Variants in MGAT4C observed in about 807,000 individuals in gnomAD.
The protein encoded by MGAT4C is MGAT4 family member C.
Under a neutral mutation model 40.1 loss-of-function variants are expected in MGAT4C, and 19 were observed. That is an observed-to-expected ratio of 0.47 (90% CI 0.33 to 0.70). MGAT4C has a LOEUF of 0.70. MGAT4C is among the 30% of genes least tolerant of loss of function. MGAT4C has a pLI of 0.02. For missense variants in MGAT4C, 491 were observed against 563.2 expected, an observed-to-expected ratio of 0.87 and a Z score of 1.30; for synonymous variants, 181 against 187.1, an observed-to-expected ratio of 0.97 and a Z score of 0.27.
At chr12:86,577,424 A>G (rs79599724) in intron 2 of MGAT4C, among the ~76,000 whole-genome samples, 4,087 of 151,904 alleles carry the variant, frequency 0.027, 144 homozygotes, top group African/African-American at 0.085. Context: ...CCCTTTCAGT[A>G]TAATACTAGT....
intron 2 of MGAT4C, among the ~76,000 whole-genome samples, chr12:86,685,079 C>T (rs569419330): frequency 1.7e-3 from 262 of 152,160 alleles, no homozygotes; most frequent in South Asian, 3.1e-3. Context: ...GTTGCAATTG[C>T]TTTTGGTGTT....
In MGAT4C at chr12:86,163,949, T is replaced by C. The variant is rs188317092; in HGVS notation, c.-57+92290A>G. Among the ~76,000 whole-genome samples the C allele has an allele frequency of 8.5e-5, 13 of 152,290 alleles. No individual in the cohort carries two copies. In the East Asian group the frequency reaches 2.5e-3, roughly 29 times the overall value. On this transcript the variant is annotated intron_variant, in intron 1 of 4. Coordinates refer to ENST00000611864, the MANE Select transcript of MGAT4C (RefSeq NM_001351288.2). The stretch of plus-strand genomic sequence containing the variant: ...CATAAAGATATGAAAGTATGCAAGA[T>C]AGTAGATAGCAAATTTGTAGTTTTA...
In MGAT4C at chr12:86,285,978, TACAACAAACCAG is replaced by T. The variant is rs1274087915; in HGVS notation, c.-57+48075_-57+48086del. Among the ~76,000 whole-genome samples the T allele has an allele frequency of 2.0e-5, 3 of 151,972 alleles. No individual in the cohort carries two copies. In the East Asian group the frequency reaches 5.8e-4, roughly 29 times the overall value. ...CATACCCACACATTCACAAAAGAAA[TACAACAAACCAG>T]AAATAATTATTTATTTTAAGGGTGA... is the stretch of plus-strand genomic sequence containing the variant. On this transcript the variant is annotated intron_variant, in intron 4 of 7. Transcript: ENST00000548651.
intron 2 of MGAT4C, among the ~76,000 whole-genome samples, chr12:86,480,473 T>TAC (rs1338233074): frequency 8.2e-6 from 1 of 122,408 alleles, no homozygotes; most frequent in Admixed American, 8.3e-5. Context: ...CATATACATA[T>TAC]GTATGTATAC....
intron 1 of MGAT4C, among the ~76,000 whole-genome samples, chr12:86,807,340 T>C (rs576525865): frequency 2.0e-5 from 3 of 152,090 alleles, no homozygotes; most frequent in Non-Finnish European, 4.4e-5. Context: ...TGTGTTCTCA[T>C]TGTTTAGCTC....
chr12:86,010,014 G>A lies in MGAT4C; in HGVS notation c.-6-20462C>T, dbSNP rs149146463. Reference sequence around the variant, plus strand: ...CTGAAGAAATTCAGAAAAATCACTCGATCACTTGATATTTCATTGCATATT... The same window carrying A: ...CTGAAGAAATTCAGAAAAATCACTCAATCACTTGATATTTCATTGCATATT... On this transcript the variant is annotated intron_variant, in intron 2 of 4. Transcript: ENST00000611864. 5.8e-4 allele frequency among the ~76,000 whole-genome samples: 88 copies of A among 152,220 alleles called. 1 individual carries two copies. Among genetic ancestry groups the A allele is most frequent in the Non-Finnish European group, 1.0e-3 (68 of 68,008 alleles).
chr12:86,598,546 C>A (rs956177776), intron 2 of MGAT4C, among the ~76,000 whole-genome samples: 1 of 152,060 alleles, frequency 6.6e-6, no homozygotes, highest in Non-Finnish European at 1.5e-5. Flanking sequence ...AGCTACTCTA[C>A]TTTCTAATTG....
At chr12:86,235,324 TTATC>T (rs1179293576) in intron 1 of MGAT4C, among the ~76,000 whole-genome samples, 8 of 152,096 alleles carry the variant, frequency 5.3e-5, no homozygotes, top group African/African-American at 1.9e-4. Flanking sequence ...TGTTTTAAGA[TTATC>T]TAGCTTCAGT....
At chr12:86,789,437 G>C (rs182816365) in intron 1 of MGAT4C, among the ~76,000 whole-genome samples, 30 of 152,028 alleles carry the variant, frequency 2.0e-4, no homozygotes, top group African/African-American at 7.0e-4. Context: ...TTAATGCATG[G>C]GCTTAAAACA....
intron 2 of MGAT4C, among the ~76,000 whole-genome samples, chr12:86,724,709 A>G (rs1295099735): frequency 6.6e-6 from 1 of 152,226 alleles, no homozygotes; most frequent in Non-Finnish European, 1.5e-5. Flanking sequence ...TAATGTCAAC[A>G]TAAGTTATTT....
intron 2 of MGAT4C, among the ~76,000 whole-genome samples, chr12:86,030,222 A>G (rs2136901445): frequency 6.6e-6 from 1 of 151,900 alleles, no homozygotes; most frequent in South Asian, 2.1e-4. Context: ...AGGTTTGTAC[A>G]TTTGGAATCT....
At chr12:86,180,261 A>G (rs893658456) in intron 1 of MGAT4C, among the ~76,000 whole-genome samples, 1 of 152,212 alleles carries the variant, frequency 6.6e-6, no homozygotes, top group Non-Finnish European at 1.5e-5. Context: ...GATGTATGGA[A>G]ATGCTTGGAT....
intron 3 of MGAT4C, among the ~76,000 whole-genome samples, chr12:86,411,347 G>T (rs1956601009): frequency 6.6e-6 from 1 of 152,178 alleles, no homozygotes; most frequent in African/African-American, 2.4e-5. Context: ...TAGTGATATG[G>T]ATAGTGAAGC....
chr12:86,163,200 T>TC (rs869304016), intron 1 of MGAT4C, among the ~76,000 whole-genome samples: 6 of 151,508 alleles, frequency 4.0e-5, no homozygotes, highest in Non-Finnish European at 7.4e-5. Context: ...GAAATCATCC[T>TC]CCCCCCCTTT....
At chr12:86,460,160 C>A (rs1957576689) in intron 2 of MGAT4C, among the ~76,000 whole-genome samples, 1 of 151,958 alleles carries the variant, frequency 6.6e-6, no homozygotes, top group East Asian at 1.9e-4. Context: ...ACAGCCTGAG[C>A]AACATACTGA....
intron 2 of MGAT4C, among the ~76,000 whole-genome samples, chr12:86,716,243 A>G (rs576913516): frequency 2.0e-5 from 3 of 152,262 alleles, no homozygotes; most frequent in Non-Finnish European, 2.9e-5. Flanking sequence ...ATTAATTAAA[A>G]CTACTGAATT....
chr12:86,020,887 A>C (rs908438892), intron 2 of MGAT4C, among the ~76,000 whole-genome samples: 2 of 152,250 alleles, frequency 1.3e-5, no homozygotes, highest in African/African-American at 4.8e-5. Context: ...AAACAAATTC[A>C]CAAGAAAAAA....
At chr12:86,405,963 TTATAC>T (rs1397173310) in intron 3 of MGAT4C, among the ~76,000 whole-genome samples, 56,452 of 100,214 alleles carry the variant, frequency 0.56, 14,701 homozygotes, top group Admixed American at 0.59. Flanking sequence ...TGTATTTATA[TTATAC>T]ATATATATAT....
intron 1 of MGAT4C, among the ~76,000 whole-genome samples, chr12:86,833,358 G>C (rs1440711842): frequency 2.0e-5 from 3 of 151,864 alleles, no homozygotes; most frequent in Non-Finnish European, 4.4e-5. Flanking sequence ...AACATTTATT[G>C]TATTACTTTG....
Sources: gnomAD v4.1 joint callset for allele counts (sites outside exome capture counted in the v4.1 genomes callset) on GRCh38, gnomAD v4.1.1 for gene constraint, MANE v1.5 for transcripts, NCBI Gene and HGNC (gene_info 2026-07-23, HGNC 2026-07-21) for gene names.